The following TMEM266 variants were observed in gnomAD, a reference collection of about 807,000 sequenced individuals.
TMEM266 encodes transmembrane protein 266.
TMEM266 carries 33 observed loss-of-function variants against 50.5 expected under a neutral mutation model. The observed-to-expected ratio is 0.65, with a 90% confidence interval of 0.50 to 0.87. The LOEUF is 0.87. Ranked by LOEUF, TMEM266 falls within the 40% of genes least tolerant of loss-of-function variation. The pLI is 0.00. For missense variants in TMEM266, 655 were observed against 695.1 expected (o/e 0.94, Z 0.65); for synonymous variants, 310 against 292.3 (o/e 1.06, Z -0.62).
intron 9 of TMEM266, among the ~76,000 whole-genome samples, chr15:76,197,788 CCA>C (rs1215121345): frequency 1.3e-5 from 2 of 152,196 alleles, no homozygotes; most frequent in Non-Finnish European, 2.9e-5. Context: ...CTCTGCCACA[CCA>C]CAGTCCATGC....
chr15:76,069,898 A>G (rs763318989), intron 1 of TMEM266, among the ~76,000 whole-genome samples: 2 of 152,184 alleles, frequency 1.3e-5, no homozygotes, highest in Non-Finnish European at 2.9e-5. Context: ...ATATTGTACA[A>G]CTGTAAATAC....
At chr15:76,166,026 T>G (rs912344479) in intron 5 of TMEM266, among the ~76,000 whole-genome samples, 5 of 152,110 alleles carry the variant, frequency 3.3e-5, no homozygotes, top group African/African-American at 1.2e-4. Flanking sequence ...GGAATCTGCG[T>G]TTCACGTAAA....
At chr15:76,189,903 A>T (rs1324964039) in intron 8 of TMEM266, among the ~76,000 whole-genome samples, 1 of 152,198 alleles carries the variant, frequency 6.6e-6, no homozygotes, top group African/African-American at 2.4e-5. Flanking sequence ...AGAGGCAACC[A>T]AAATTATAGC....
intron 9 of TMEM266, among the ~76,000 whole-genome samples, chr15:76,193,211 CAA>C: frequency 6.6e-6 from 1 of 150,790 alleles, no homozygotes; most frequent in Admixed American, 6.6e-5. Context: ...TGCAACACTG[CAA>C]ACAGCTTTTG....
chr15:76,193,779 TGTGGGTTTCACGCACAGGCA>T (rs1267688526), intron 9 of TMEM266, among the ~76,000 whole-genome samples: 2 of 152,208 alleles, frequency 1.3e-5, no homozygotes, highest in Non-Finnish European at 2.9e-5. Flanking sequence ...CCCCACCAGC[TGTGGGTTTCACGCACAGGCA>T]GTGCCATCCC....
chr15:76,130,497 G>T (rs1236423733), intron 1 of TMEM266, among the ~76,000 whole-genome samples: 1 of 152,188 alleles, frequency 6.6e-6, no homozygotes, highest in East Asian at 1.9e-4. Flanking sequence ...CCAAGATCGC[G>T]CCAGCGCACT....
intron 1 of TMEM266, among the ~76,000 whole-genome samples, chr15:76,084,012 C>T (rs746197835): frequency 1.4e-4 from 22 of 152,180 alleles, no homozygotes; most frequent in African/African-American, 2.4e-4. Context: ...AGTAACACTC[C>T]GAAAAGATGA....
intron 3 of TMEM266, among the ~76,000 whole-genome samples, chr15:76,148,942 T>C (rs970788000): frequency 6.6e-6 from 1 of 152,144 alleles, no homozygotes; most frequent in African/African-American, 2.4e-5. Context: ...CTTCAATTTA[T>C]TTAGTTATCC....
chr15:76,199,003 T>G (rs981762297), intron 9 of TMEM266, among the ~76,000 whole-genome samples: 1 of 98,642 alleles, frequency 1.0e-5, no homozygotes, highest in African/African-American at 3.0e-5. Context: ...CGGCTCTGTG[T>G]CAGGCACATC....
At chr15:76,150,135 C>T (rs553597323) in intron 3 of TMEM266, among the ~76,000 whole-genome samples, 83 of 152,292 alleles carry the variant, frequency 5.5e-4, no homozygotes, top group Middle Eastern at 3.4e-3. Context: ...TTCAAGGAGT[C>T]CGTGCACTCC....
At chr15:76,190,332 A>T (rs2142080341) in intron 8 of TMEM266, among the ~76,000 whole-genome samples, 1 of 152,296 alleles carries the variant, frequency 6.6e-6, no homozygotes, top group East Asian at 1.9e-4. Context: ...AGGATGAGAC[A>T]AGTTGGTCAG....
intron 1 of TMEM266, among the ~76,000 whole-genome samples, chr15:76,078,900 A>G (rs920921470): frequency 6.6e-6 from 1 of 152,232 alleles, no homozygotes; most frequent in Non-Finnish European, 1.5e-5. Context: ...CTCTGGGGGA[A>G]AATTCTTCCT....
At chr15:76,178,384 C>T (rs1055375547) in intron 8 of TMEM266, among the ~76,000 whole-genome samples, 16 of 152,108 alleles carry the variant, frequency 1.1e-4, no homozygotes, top group African/African-American at 3.4e-4. Flanking sequence ...GACTGGAAGC[C>T]GATCAGGCAG....
At chr15:76,135,566 C>T (rs1053931052) in intron 2 of TMEM266, among the ~76,000 whole-genome samples, 2 of 152,344 alleles carry the variant, frequency 1.3e-5, no homozygotes, top group Admixed American at 6.5e-5. Flanking sequence ...ACAAATTCAA[C>T]CCAGCATCTG....
intron 8 of TMEM266, among the ~76,000 whole-genome samples, chr15:76,180,556 G>A (rs1206693878): frequency 6.6e-6 from 1 of 151,530 alleles, no homozygotes; most frequent in African/African-American, 2.4e-5. Flanking sequence ...CTGGGGCAGC[G>A]TGGGTCAGGT....
intron 1 of TMEM266, among the ~76,000 whole-genome samples, chr15:76,067,339 G>T (rs2036442856): frequency 6.6e-6 from 1 of 152,028 alleles, no homozygotes; most frequent in Non-Finnish European, 1.5e-5. Context: ...GCACATTCTG[G>T]GACTGTTAAA....
In TMEM266 at chr15:76,160,144, C is replaced by T. The variant is rs755111715; in HGVS notation, c.432C>T (p.Val144=). 1.9e-6 allele frequency: 3 copies of T among 1,614,200 alleles called. No homozygotes were observed. Among genetic ancestry groups the T allele is most frequent in the South Asian group, 2.2e-5 (2 of 91,068 alleles). ...GCGTGATTCACTGGATCAGCCTGGT[C>T]ATTCTGTCCGTGTTCTTCTCAGAGG... Residue 144 remains valine, a synonymous_variant, in exon 5 of 11, where the codon GTC becomes GTT. Coordinates refer to ENST00000388942, the MANE Select transcript of TMEM266 (RefSeq NM_152335.3). This position sits in a 1 kb window ranked among gnomAD's most constrained non-coding sequence, Gnocchi z 5.7.
rs779553334 is a variant in TMEM266 at position 76,202,186 on chromosome 15, G to A, written c.959-16G>A. The A allele has an allele frequency of 1.9e-6, 3 of 1,610,112 alleles. No homozygotes were observed. The highest frequency in any genetic ancestry group is 1.1e-5 in the South Asian group (1 of 90,842). Reference sequence around the variant, plus strand: ...GAACTTGATGCACTCACCCTTCTCTGTCCCCACCTCTGTAGAAGCCACGAT... The same window carrying A: ...GAACTTGATGCACTCACCCTTCTCTATCCCCACCTCTGTAGAAGCCACGAT... On this transcript the variant is annotated splice_polypyrimidine_tract_variant and intron_variant, in intron 9 of 10. Coordinates refer to ENST00000388942, the MANE Select transcript of TMEM266 (RefSeq NM_152335.3).
Position 76,068,665 on chromosome 15 carries a change from G to A in TMEM266, c.-97+8649G>A, listed in dbSNP as rs2036481201. ...TCTCCTGCTTCCATGTGAGGACACA[G>A]TGAGAAGGTGGCTGTCTGCAAGCCA... is the stretch of plus-strand genomic sequence containing the variant. On this transcript the variant is annotated intron_variant, in intron 1 of 10. Transcript: ENST00000388942. 2.0e-5 allele frequency among the ~76,000 whole-genome samples: 3 copies of A among 152,238 alleles called. No homozygotes were observed. The South Asian group carries it at 6.2e-4, about 32-fold the overall frequency.
Sources: allele counts gnomAD v4.1 joint callset (sites outside exome capture counted in the v4.1 genomes callset), GRCh38; gene constraint gnomAD v4.1.1; non-coding constraint Gnocchi (gnomAD v3.1); transcripts MANE v1.5; gene names NCBI Gene and HGNC (gene_info 2026-07-23, HGNC 2026-07-21).